Variants in MAST4 observed in about 807,000 individuals in gnomAD.
The protein encoded by MAST4 is microtubule associated serine/threonine kinase family member 4.
Under a neutral mutation model 162.7 loss-of-function variants are expected in MAST4, and 89 were observed. That is an observed-to-expected ratio of 0.55 (90% CI 0.46 to 0.65). The LOEUF (loss-of-function observed/expected upper bound fraction) is 0.65. Ranked by LOEUF, MAST4 falls within the 30% of genes least tolerant of loss-of-function variation. The pLI is 0.00. For synonymous variants in MAST4, 1,479 were observed against 1,361.1 expected (o/e 1.09, Z -1.91); for missense variants, 3,153 against 3,374.0 (o/e 0.93, Z 1.62).
At chr5:66,643,883 T>TTG (rs925244780) in intron 1 of MAST4, among the ~76,000 whole-genome samples, 10 of 151,696 alleles carry the variant, frequency 6.6e-5, no homozygotes, top group Non-Finnish European at 1.0e-4. Flanking sequence ...CTTGTGTTTT[T>TTG]TTTTTTTTTC....
chr5:66,641,715 A>C (rs1745498129), intron 1 of MAST4, among the ~76,000 whole-genome samples: 2 of 152,206 alleles, frequency 1.3e-5, no homozygotes, highest in African/African-American at 4.8e-5. Flanking sequence ...TTGTATTCAA[A>C]AGGATTCAGG....
At chr5:67,089,839 A>C (rs1763636135) in intron 5 of MAST4, among the ~76,000 whole-genome samples, 2 of 152,108 alleles carry the variant, frequency 1.3e-5, no homozygotes, top group Admixed American at 1.3e-4. Flanking sequence ...CACAACCAAG[A>C]CTTGTATATA....
intron 1 of MAST4, among the ~76,000 whole-genome samples, chr5:66,722,119 T>A (rs1751248035): frequency 6.6e-6 from 1 of 152,136 alleles, no homozygotes; most frequent in South Asian, 2.1e-4. Flanking sequence ...CCTTTTGAGA[T>A]GTCAGCCAGA....
chr5:66,680,335 C>G (rs779679533), intron 1 of MAST4, among the ~76,000 whole-genome samples: 5 of 152,186 alleles, frequency 3.3e-5, no homozygotes, highest in Non-Finnish European at 7.4e-5. Context: ...GGAAGAGCCA[C>G]GCAGCAGTTG....
chr5:66,644,885 A>G (rs2149440087), intron 1 of MAST4, among the ~76,000 whole-genome samples: 1 of 150,634 alleles, frequency 6.6e-6, no homozygotes, highest in South Asian at 2.1e-4. Flanking sequence ...TAATTTTGGG[A>G]GGTAATTTAT....
intron 4 of MAST4, among the ~76,000 whole-genome samples, chr5:66,969,734 G>T (rs1747199238): frequency 6.6e-6 from 1 of 152,208 alleles, no homozygotes; most frequent in South Asian, 2.1e-4. Flanking sequence ...TTGTGATTTT[G>T]TGTCTCCTTT....
At chr5:66,957,179 G>C (rs997035734) in intron 4 of MAST4, among the ~76,000 whole-genome samples, 2 of 152,152 alleles carry the variant, frequency 1.3e-5, no homozygotes, top group African/African-American at 4.8e-5. Context: ...TACTTTAAAA[G>C]TTAAAGAATT....
intron 24 of MAST4, among the ~76,000 whole-genome samples, chr5:67,149,923 A>T (rs1237431785): frequency 6.6e-6 from 1 of 151,684 alleles, no homozygotes; most frequent in Non-Finnish European, 1.5e-5. Flanking sequence ...TCCTTGAATA[A>T]TTTTTTTTCT....
intron 3 of MAST4, among the ~76,000 whole-genome samples, chr5:66,873,773 T>G (rs1255012270): frequency 6.6e-6 from 1 of 152,228 alleles, no homozygotes; most frequent in Non-Finnish European, 1.5e-5. Flanking sequence ...ACTAGATATA[T>G]CACCATGTAG....
intron 8 of MAST4, 71 bp downstream of exon 8, chr5:67,100,663 C>A: frequency 6.3e-7 from 1 of 1,577,604 alleles, no homozygotes; most frequent in Non-Finnish European, 8.7e-7. Flanking sequence ...GTGAACACTT[C>A]GGTCCTTTAG....
chr5:66,691,761 C>T (rs1749055292), intron 1 of MAST4, among the ~76,000 whole-genome samples: 1 of 152,040 alleles, frequency 6.6e-6, no homozygotes, highest in African/African-American at 2.4e-5. Flanking sequence ...ACCCAATCAC[C>T]CCCTCCACAA....
At chr5:66,788,432 G>T (rs2289881) in intron 2 of MAST4, among the ~76,000 whole-genome samples, 50,140 of 152,006 alleles carry the variant, frequency 0.33, 8,469 homozygotes, top group Non-Finnish European at 0.35. Context: ...ATCCTACCTT[G>T]ATGAGGCTAC....
At chr5:66,738,546 T>C (rs534775067) in intron 1 of MAST4, among the ~76,000 whole-genome samples, 5 of 152,276 alleles carry the variant, frequency 3.3e-5, no homozygotes, top group Middle Eastern at 6.8e-3. Flanking sequence ...TATGTTCTAA[T>C]GGGGGAGGGA....
chr5:67,166,970 TTC>T lies in MAST4; in HGVS notation c.7793_7794del (p.Ser2598Ter). 2 of 1,612,558 alleles carry T rather than the reference TTC, an allele frequency of 1.2e-6. No individual in the cohort carries two copies. Among genetic ancestry groups the T allele is most frequent in the Middle Eastern group, 1.6e-4 (1 of 6,062 alleles). Reference sequence around the variant, plus strand: ...CAAACACTGACCGCCCCATCTCTCTTTCTAATGAGAAGGACTTTGTGGTACGG... The same window carrying T: ...CAAACACTGACCGCCCCATCTCTCTTTAATGAGAAGGACTTTGTGGTACGG... ...APNTDRPISL[S>X]NEKDFVVRQR... On this transcript the variant is annotated frameshift_variant, in exon 29 of 29. Transcript: ENST00000403625. LOFTEE classifies it high-confidence loss of function.
rs111568437 is a variant in MAST4, at chr5:66,884,209, T to C, written c.643-15742T>C. On this transcript the variant is annotated intron_variant, in intron 3 of 28. Transcript: ENST00000403625. Reference sequence around the variant, plus strand: ...TAAATTTGGGTAGCACCAGAGATTATGTTACTTGCTCTTAGAAAATAAAAT... The same window carrying C: ...TAAATTTGGGTAGCACCAGAGATTACGTTACTTGCTCTTAGAAAATAAAAT... 7.3e-3 allele frequency among the ~76,000 whole-genome samples: 1,111 copies of C among 152,356 alleles called. 16 individuals carry two copies. The highest frequency in any genetic ancestry group is 0.025 in the African/African-American group (1,049 of 41,574).
At chr5:66,885,281 G>A (rs1761967691) in intron 3 of MAST4, among the ~76,000 whole-genome samples, 1 of 152,168 alleles carries the variant, frequency 6.6e-6, no homozygotes, top group Non-Finnish European at 1.5e-5. Flanking sequence ...CATGTTAGAT[G>A]AAATGATTTT....
At position 66,619,919 on chromosome 5, in the gene MAST4, A is replaced by G. The variant is rs888169695; in HGVS notation, c.363+22901A>G. The stretch of plus-strand genomic sequence containing the variant: ...AGAAAAAAGTGTTTTATATATTGTA[A>G]ATATATATAAAATATCAGAAAGTAG... On this transcript the variant is annotated intron_variant, in intron 1 of 28. Coordinates refer to ENST00000403625, the MANE Select transcript of MAST4 (RefSeq NM_001164664.2). Among the ~76,000 whole-genome samples the G allele has an allele frequency of 3.3e-5, 5 of 151,528 alleles. No individual in the cohort carries two copies. The East Asian group carries it at 9.6e-4, about 29-fold the overall frequency.
In MAST4 at chr5:67,165,545, G is replaced by T. The variant is rs1773796264; in HGVS notation, c.6366G>T (p.Lys2122Asn). The T allele has an allele frequency of 6.2e-7, 1 of 1,613,912 alleles. No homozygotes were observed. Among genetic ancestry groups the T allele is most frequent in the South Asian group, 1.1e-5 (1 of 91,088 alleles). Reference sequence around the variant, plus strand: ...ATGGTGCCAAGGAACCTGAAAGGAAGGAGCAGCCTCTACAAAGGCATCCCA... The same window carrying T: ...ATGGTGCCAAGGAACCTGAAAGGAATGAGCAGCCTCTACAAAGGCATCCCA... ...QKDGAKEPER[K>N]EQPLQRHPSS... The change falls in exon 29 of 29, where the codon AAG (lysine) becomes AAT (asparagine). Residue 2122 changes from lysine to asparagine, a missense_variant. Physicochemically the swap from Lys to Asn is moderately conservative, Grantham distance 94. This residue lies in a region of MAST4 where 1,644 missense variants were observed against 1,495.0 expected (regional missense o/e 1.10). Transcript: ENST00000403625.
At chr5:66,859,917 C>T (rs753240779) in intron 3 of MAST4, among the ~76,000 whole-genome samples, 10 of 152,186 alleles carry the variant, frequency 6.6e-5, no homozygotes, top group Non-Finnish European at 1.5e-4. Context: ...TTTAATAGAG[C>T]AATAGACTTT....
Sources: allele counts gnomAD v4.1 joint callset (sites outside exome capture counted in the v4.1 genomes callset), GRCh38; gene constraint gnomAD v4.1.1; regional missense constraint gnomAD v4.1.1; transcripts MANE v1.5; gene names NCBI Gene and HGNC (gene_info 2026-07-23, HGNC 2026-07-21).